SYTL5: variants seen among roughly 807,000 people sequenced by gnomAD.
SYTL5 encodes synaptotagmin-like protein 5.
SYTL5 carries 34 observed loss-of-function variants against 55.9 expected under a neutral mutation model. The observed-to-expected ratio is 0.61, with a 90% CI of 0.46 to 0.81. SYTL5 has a LOEUF of 0.81. Among genes scored for constraint, SYTL5 ranks in the 30% least tolerant of loss-of-function variants. The pLI, the probability that SYTL5 is intolerant of heterozygous loss-of-function variation, is 0.00. For missense variants in SYTL5, 637 were observed against 546.7 expected, an observed-to-expected ratio of 1.17 and a Z score of -1.65; for synonymous variants, 221 against 188.7, an observed-to-expected ratio of 1.17 and a Z score of -1.40.
At chrX:38,104,993 G>C (rs777059241) in intron 10 of SYTL5, among the ~76,000 whole-genome samples, 11 of 112,317 alleles carry the variant, frequency 9.8e-5, no homozygotes, top group Non-Finnish European at 1.9e-4. Context: ...TTTGACATAT[G>C]TAAATTACTA....
the SYTL5 span, among the ~76,000 whole-genome samples, chrX:37,895,154 C>T: frequency 2.7e-5 from 3 of 112,037 alleles, no homozygotes; most frequent in Non-Finnish European, 5.6e-5. Context: ...ATTAGAAAAA[C>T]GCTCAAACAT....
At chrX:37,932,210 G>A in the SYTL5 span, among the ~76,000 whole-genome samples, 2 of 111,875 alleles carry the variant, frequency 1.8e-5, no homozygotes, top group Admixed American at 9.5e-5. Flanking sequence ...GGGGCATGGA[G>A]CAGTAAACAG....
chrX:37,964,574 G>A, the SYTL5 span, among the ~76,000 whole-genome samples: 1 of 110,818 alleles, frequency 9.0e-6, no homozygotes, highest in Admixed American at 9.7e-5. Flanking sequence ...GGTATCTTTG[G>A]TTTTGGTTAT....
chrX:38,061,847 G>T, intron 3 of SYTL5, among the ~76,000 whole-genome samples: 1 of 112,161 alleles, frequency 8.9e-6, no homozygotes. Flanking sequence ...AGCTGAGGCA[G>T]TTGCAGTCCA....
At chrX:37,888,979 C>G in the SYTL5 span, among the ~76,000 whole-genome samples, 5 of 109,776 alleles carry the variant, frequency 4.6e-5, no homozygotes, top group Non-Finnish European at 9.5e-5. Context: ...ATTCTCTAAT[C>G]TGAAACTTTA....
chrX:37,890,337 CTTAG>C, the SYTL5 span, among the ~76,000 whole-genome samples: 3 of 111,598 alleles, frequency 2.7e-5, no homozygotes, highest in Non-Finnish European at 5.6e-5. Flanking sequence ...GGACTCAGAT[CTTAG>C]TTATAGATTA....
chrX:37,939,634 A>G, the SYTL5 span: 2 of 112,705 alleles, frequency 1.8e-5, no homozygotes, highest in Admixed American at 9.4e-5. Context: ...TAGTCAAGAT[A>G]CAGAAGCTTG....
the SYTL5 span, among the ~76,000 whole-genome samples, chrX:37,966,866 A>G: frequency 2.7e-5 from 3 of 112,024 alleles, no homozygotes; most frequent in African/African-American, 9.7e-5. Flanking sequence ...TACCTTGACC[A>G]TCGAATTTTA....
rs951620413 is a variant in SYTL5 at position 38,076,551 on chromosome X, A to G, written c.555-16A>G. 2 of 1,117,398 alleles carry G rather than the reference A, an allele frequency of 1.8e-6. No homozygotes were observed. The highest frequency in any genetic ancestry group is 1.2e-6 in the Non-Finnish European group (1 of 827,935). The allele number at this position is 1,117,398 out of a possible 1,213,427, so 92.1% of individuals were successfully genotyped here. On this transcript the variant is annotated splice_polypyrimidine_tract_variant and intron_variant, in intron 5 of 16. Coordinates refer to ENST00000297875, the MANE Select transcript of SYTL5 (RefSeq NM_138780.3). The stretch of plus-strand genomic sequence containing the variant: ...TTCTTTCTTATCTAATTTTAAATAC[A>G]TATATATAATTTCAGATTTCTTCTT...
At chrX:37,905,884 G>A in the SYTL5 span, among the ~76,000 whole-genome samples, 2 of 113,162 alleles carry the variant, frequency 1.8e-5, no homozygotes, top group East Asian at 2.8e-4. Context: ...GGGGCATCCG[G>A]CTGTGAGCCC....
intron 7 of SYTL5, among the ~76,000 whole-genome samples, chrX:38,091,920 C>T (rs938193203): frequency 1.8e-5 from 2 of 111,555 alleles, no homozygotes; most frequent in African/African-American, 6.5e-5. Flanking sequence ...AGTATATATA[C>T]ATATACATAG....
chrX:38,091,234 G>A (rs183703992), intron 7 of SYTL5, among the ~76,000 whole-genome samples: 1,122 of 111,949 alleles, frequency 0.01, 11 homozygotes, highest in Non-Finnish European at 0.014. Flanking sequence ...TGGAGGTGGC[G>A]AGTAGTCAAA....
At chrX:37,934,962 C>G in the SYTL5 span, among the ~76,000 whole-genome samples, 9 of 111,266 alleles carry the variant, frequency 8.1e-5, no homozygotes, top group African/African-American at 2.9e-4. Context: ...TGGCCAAAAA[C>G]TTCACAAATT....
Position 38,040,460 on chromosome X carries a change from C to G in SYTL5, c.119+6452C>G, listed in dbSNP as rs192874508. On this transcript the variant is annotated intron_variant, in intron 2 of 16. Coordinates refer to ENST00000297875, the MANE Select transcript of SYTL5 (RefSeq NM_138780.3). ...TTTTTTAACTCATTAACCATCCCCC[C>G]CCCGACCCGAGCCCCACACTACCCT... Among the ~76,000 whole-genome samples, 4 of 107,730 alleles carry G rather than the reference C, an allele frequency of 3.7e-5. No individual in the cohort carries two copies. The East Asian group carries it at 8.8e-4, about 24-fold the overall frequency. The allele number at this position is 107,730 out of a possible 115,157, so 93.6% of individuals were successfully genotyped here. A position where few individuals can be genotyped will look rare whatever the true frequency, so the allele number is the denominator to read the frequency against.
intron 5 of SYTL5, among the ~76,000 whole-genome samples, chrX:38,075,633 G>A (rs752014422): frequency 9.0e-5 from 10 of 111,624 alleles, no homozygotes; most frequent in Non-Finnish European, 1.9e-4. Flanking sequence ...ATTATATTAA[G>A]TGCTATTCTC....
chrX:38,054,699 C>T (rs776543895), intron 3 of SYTL5, among the ~76,000 whole-genome samples: 1 of 109,443 alleles, frequency 9.1e-6, no homozygotes, highest in Admixed American at 9.8e-5. Context: ...TTGGAAGCCT[C>T]ACTGAACCAT....
chrX:37,920,442 G>A, the SYTL5 span, among the ~76,000 whole-genome samples: 3 of 109,970 alleles, frequency 2.7e-5, no homozygotes, highest in Non-Finnish European at 3.8e-5. Flanking sequence ...CTGTAGAATC[G>A]TCTCCTCCAG....
chrX:38,107,080 T>C (rs1427305641), intron 11 of SYTL5, among the ~76,000 whole-genome samples: 2 of 112,307 alleles, frequency 1.8e-5, no homozygotes, highest in Non-Finnish European at 3.8e-5. Flanking sequence ...ATCTTGTCGA[T>C]TTCTGTTCTG....
chrX:38,005,950 GA>G (rs1933977028), upstream of SYTL5, among the ~76,000 whole-genome samples: 1 of 111,572 alleles, frequency 9.0e-6, no homozygotes, highest in South Asian at 3.7e-4. Flanking sequence ...CAAGCACTGA[GA>G]AAACCTCACT....
Sources: allele counts gnomAD v4.1 joint callset (sites outside exome capture counted in the v4.1 genomes callset), GRCh38; gene constraint gnomAD v4.1.1; transcripts MANE v1.5; gene names NCBI Gene and HGNC (gene_info 2026-07-23, HGNC 2026-07-21).